The following SYCP3 variants were observed in gnomAD, a reference collection of about 807,000 sequenced individuals.
SYCP3 encodes the protein synaptonemal complex protein 3.
In SYCP3, 29 loss-of-function variants were observed where a neutral mutation model predicts 38.5. The ratio of observed to expected loss-of-function variants is 0.75; its 90% CI spans 0.56 to 1.03. SYCP3 has a LOEUF of 1.03. Among genes scored for constraint, SYCP3 ranks in the 50% least tolerant of loss-of-function variants. The pLI is 0.00. For missense variants in SYCP3, 242 were observed against 270.7 expected (o/e 0.89, Z 0.74); for synonymous variants, 79 against 80.3 (o/e 0.98, Z 0.08).
chr12:101,729,339 A>G (rs1487828298), intron 7 of SYCP3, 126 bp from the exon 8 acceptor site: 6 of 977,954 alleles, frequency 6.1e-6, no homozygotes, highest in Non-Finnish European at 9.1e-6. Flanking sequence ...TTGAAATAAA[A>G]ATATTCTAAG....
At chr12:101,736,057 G>GA in intron 4 of SYCP3, among the ~76,000 whole-genome samples, 1 of 150,274 alleles carries the variant, frequency 6.7e-6, no homozygotes, top group Non-Finnish European at 1.5e-5. Flanking sequence ...ACCAAGGACA[G>GA]AAAAAAATCT....
At chr12:101,731,730 AAAT>A in intron 6 of SYCP3, 64 bp from the exon 7 acceptor site, 1 of 1,176,604 alleles carries the variant, frequency 8.5e-7, no homozygotes. Flanking sequence ...AATTTAGAAA[AAAT>A]AATTCTACAT....
intron 7 of SYCP3, chr12:101,730,429 T>C (rs1002270109): frequency 4.6e-5 from 19 of 411,228 alleles, no homozygotes; most frequent in South Asian, 7.1e-5. Flanking sequence ...TCTCAGAGCA[T>C]TGGAACAAGA....
Position 101,734,980 on chromosome 12 carries a change from G to T in SYCP3, c.300C>A (p.Leu100=). ...GTTCAATTTTCTGGTTACTAGTTTT[G>T]AGAGAAGCCTTGGTATACATTTCTA... ...KRLEMYTKAS[L]KTSNQKIEHV... Residue 100 remains leucine, a synonymous_variant, in exon 5 of 9, where the codon CTC becomes CTA. Coordinates refer to ENST00000392924, the MANE Select transcript of SYCP3 (RefSeq NM_001177949.2). The T allele has an allele frequency of 6.2e-7, 1 of 1,613,540 alleles. No individual in the cohort carries two copies. Among genetic ancestry groups the T allele is most frequent in the East Asian group, 2.2e-5 (1 of 44,824 alleles).
chr12:101,731,748 C>CT lies in SYCP3; in HGVS notation c.454-83dup, dbSNP rs1594166280. The CT allele has an allele frequency of 5.0e-6, 5 of 1,002,698 alleles. No individual in the cohort carries two copies. The East Asian group carries it at 1.4e-4, about 27-fold the overall frequency. 62.1% of individuals were successfully genotyped at this position (1,002,698 alleles called of 1,614,324 possible). A position where few individuals can be genotyped will look rare whatever the true frequency, so the allele number is the denominator to read the frequency against. ...TTAGAAAAAATAATTCTACATTAAA[C>CT]TTAAAAGAAAGTGTTAAAAATCAAT... On this transcript the variant is annotated intron_variant, in intron 6 of 8. Coordinates refer to ENST00000392924, the MANE Select transcript of SYCP3 (RefSeq NM_001177949.2).
At chr12:101,735,871 A>ATATATATATATTTTT in intron 4 of SYCP3, among the ~76,000 whole-genome samples, 2 of 74,762 alleles carry the variant, frequency 2.7e-5, no homozygotes, top group African/African-American at 1.3e-4. Context: ...ATATATATAT[A>ATATATATATATTTTT]TTTTTTTTTT....
chr12:101,735,871 A>ATATATTTTTTTT, intron 4 of SYCP3, among the ~76,000 whole-genome samples: 1 of 74,790 alleles, frequency 1.3e-5, no homozygotes, highest in South Asian at 4.2e-4. Flanking sequence ...ATATATATAT[A>ATATATTTTTTTT]TTTTTTTTTT....
At chr12:101,736,484 ATACT>A (rs1288039603) in intron 4 of SYCP3, among the ~76,000 whole-genome samples, 1 of 152,102 alleles carries the variant, frequency 6.6e-6, no homozygotes, top group Non-Finnish European at 1.5e-5. Flanking sequence ...CATATTATTG[ATACT>A]TAATATATTA....
At chr12:101,735,871 A>ATATATATATATATATATATATATAT in intron 4 of SYCP3, among the ~76,000 whole-genome samples, 1 of 74,758 alleles carries the variant, frequency 1.3e-5, no homozygotes, top group Non-Finnish European at 2.5e-5. Flanking sequence ...ATATATATAT[A>ATATATATATATATATATATATATAT]TTTTTTTTTT....
intron 7 of SYCP3, chr12:101,730,549 A>G (rs545320566): frequency 1.5e-4 from 59 of 382,658 alleles, no homozygotes; most frequent in Non-Finnish European, 2.4e-4. Context: ...GCTGGAGTAC[A>G]GTAGTACGAT....
In SYCP3 at chr12:101,737,259, G is replaced by C; in HGVS notation, c.173C>G (p.Ser58Cys). 7 of 1,610,204 alleles carry C rather than the reference G, an allele frequency of 4.3e-6. No individual in the cohort carries two copies. The highest frequency in any genetic ancestry group is 5.9e-6 in the Non-Finnish European group (7 of 1,179,422). Residue 58 changes from serine to cysteine, a missense_variant, in exon 3 of 9, where the codon TCT becomes TGT. Coordinates refer to ENST00000392924, the MANE Select transcript of SYCP3 (RefSeq NM_001177949.2). ...AVIEKRRKKR[S>C]SAGVVEDMGG... ...CATATCTTCAACTACTCCTGCAGAAGACCTTTTCTTCCTACGTTTCTCAAT... is the reference window on the plus strand; with the variant it reads ...CATATCTTCAACTACTCCTGCAGAACACCTTTTCTTCCTACGTTTCTCAAT...
Position 101,728,695 on chromosome 12 carries a change from T to A in SYCP3, c.*232A>T. ...AATTGACAGTGTTAGAGAGAAAAAT[T>A]CACTATCATTACTAAAGAGCTGAAA... is the stretch of plus-strand genomic sequence containing the variant. On this transcript the variant is annotated 3_prime_UTR_variant, in exon 9 of 9. Transcript: ENST00000392924. 2 of 547,466 alleles carry A rather than the reference T, an allele frequency of 3.7e-6. No homozygotes were observed. Among genetic ancestry groups the A allele is most frequent in the Non-Finnish European group, 3.1e-6 (1 of 320,976 alleles). The allele number at this position is 547,466 out of a possible 1,614,324, so 33.9% of individuals were successfully genotyped here. A position where few individuals can be genotyped will look rare whatever the true frequency, so the allele number is the denominator to read the frequency against.
In SYCP3 at chr12:101,737,786, C is replaced by A. The variant is rs3751248; in HGVS notation, c.133+17G>T. On this transcript the variant is annotated intron_variant, in intron 2 of 8. Transcript: ENST00000392924. ...TGAACTGAAGGACATCACTGCCCAA[C>A]ATGAGATGTACTGCACCTTCAATAA... is the stretch of plus-strand genomic sequence containing the variant. 0.023 allele frequency: 36,948 copies of A among 1,614,018 alleles called. 3,464 individuals carry two copies. The East Asian group carries it at 0.32, about 14-fold the overall frequency.
Position 101,728,884 on chromosome 12 carries a change from T to A in SYCP3, c.*43A>T. On this transcript the variant is annotated 3_prime_UTR_variant, in exon 9 of 9. Transcript: ENST00000392924. ...TATGCTTCTTAGCTAACGTTATAAT[T>A]GTATCATATTACTTAGGTTCAAGTT... The A allele has an allele frequency of 3.1e-6, 5 of 1,612,460 alleles. No individual in the cohort carries two copies. The highest frequency in any genetic ancestry group is 4.2e-6 in the Non-Finnish European group (5 of 1,178,954).
In SYCP3 at chr12:101,735,140, T is replaced by C. The variant is rs943069047; in HGVS notation, c.236-96A>G. 5 of 745,856 alleles carry C rather than the reference T, an allele frequency of 6.7e-6. No homozygotes were observed. The Admixed American group carries it at 7.3e-5, about 11-fold the overall frequency. The allele number at this position is 745,856 out of a possible 1,614,324, so 46.2% of individuals were successfully genotyped here. On this transcript the variant is annotated intron_variant, in intron 4 of 8. Coordinates refer to ENST00000392924, the MANE Select transcript of SYCP3 (RefSeq NM_001177949.2). ...AATATGGGTAAGGTTGGTTCAACAA[T>C]ATTGGAAAGACATTTAAACTTAAAT...
Position 101,733,628 on chromosome 12 carries a change from G to GA in SYCP3, c.399dup (p.Gln134SerfsTer11). On this transcript the variant is annotated frameshift_variant, in exon 6 of 9. Coordinates refer to ENST00000392924, the MANE Select transcript of SYCP3 (RefSeq NM_001177949.2). LOFTEE classifies it high-confidence loss of function. ...TTCTGCATATCTAAATCCCACTGCT[G>GA]AAACAAAGTCAGAAACTGCTGAGAA... 1 of 1,612,272 alleles carries GA rather than the reference G, an allele frequency of 6.2e-7. No homozygotes were observed. The highest frequency in any genetic ancestry group is 8.5e-7 in the Non-Finnish European group (1 of 1,179,946).
intron 5 of SYCP3, 47 bp downstream of exon 5, chr12:101,734,880 A>T (rs1367683448): frequency 7.5e-6 from 9 of 1,195,958 alleles, no homozygotes; most frequent in Non-Finnish European, 1.1e-5. Context: ...AATTTATACC[A>T]GTAAATACTA....
intron 2 of SYCP3, 89 bp from the exon 3 acceptor site, chr12:101,737,387 G>A (rs878895086): frequency 1.6e-6 from 2 of 1,259,974 alleles, no homozygotes; most frequent in Admixed American, 2.1e-5. Flanking sequence ...TTCATTTGGG[G>A]ATTTTTAGGC....
chr12:101,731,076 G>A (rs1412520425), intron 7 of SYCP3, among the ~76,000 whole-genome samples: 1 of 152,122 alleles, frequency 6.6e-6, no homozygotes, highest in Non-Finnish European at 1.5e-5. Context: ...TATTATATCT[G>A]TTATTTTATG....
Sources: allele counts gnomAD v4.1 joint callset (sites outside exome capture counted in the v4.1 genomes callset), GRCh38; gene constraint gnomAD v4.1.1; transcripts MANE v1.5; gene names NCBI Gene and HGNC (gene_info 2026-07-23, HGNC 2026-07-21).